ATP8A2: variants seen among roughly 807,000 people sequenced by gnomAD.
ATP8A2 encodes the protein phospholipid-transporting ATPase IB.
In ATP8A2, 100 loss-of-function variants were observed where a neutral mutation model predicts 165.6. That is an observed-to-expected ratio of 0.60 (90% CI 0.51 to 0.71). The LOEUF is 0.71. Ranked by LOEUF, ATP8A2 falls within the 30% of genes least tolerant of loss-of-function variation. The pLI is 0.00. For synonymous variants in ATP8A2, 543 were observed against 548.8 expected (o/e 0.99, Z 0.15); for missense variants, 1,227 against 1,479.5 (o/e 0.83, Z 2.80).
chr13:25,547,817 A>G (rs890371737), intron 10 of ATP8A2, among the ~76,000 whole-genome samples: 1 of 152,180 alleles, frequency 6.6e-6, no homozygotes, highest in African/African-American at 2.4e-5. Context: ...TCAGCTTTTC[A>G]AAATCTGACA....
chr13:25,641,637 A>G, intron 24 of ATP8A2, among the ~76,000 whole-genome samples: 1 of 152,150 alleles, frequency 6.6e-6, no homozygotes, highest in Non-Finnish European at 1.5e-5. Flanking sequence ...TTCCATGCTC[A>G]TGGATAGGAA....
intron 30 of ATP8A2, among the ~76,000 whole-genome samples, chr13:25,844,337 T>A (rs1387646550): frequency 2.0e-5 from 3 of 152,022 alleles, no homozygotes; most frequent in Non-Finnish European, 4.4e-5. Context: ...TTCAAGTGAT[T>A]CTCCTGCCTC....
At chr13:25,871,994 A>G (rs1426240984) in intron 33 of ATP8A2, among the ~76,000 whole-genome samples, 3 of 151,848 alleles carry the variant, frequency 2.0e-5, no homozygotes, top group Non-Finnish European at 4.4e-5. Flanking sequence ...GACATCTCTC[A>G]TGCAGGGTAC....
At chr13:25,439,822 G>A (rs989019792) in intron 1 of ATP8A2, among the ~76,000 whole-genome samples, 4 of 151,898 alleles carry the variant, frequency 2.6e-5, no homozygotes, top group African/African-American at 9.7e-5. Flanking sequence ...CAGGAGGATT[G>A]CTTGGGCCCA....
In ATP8A2 at chr13:25,939,453, A is replaced by G. The variant is rs1955007522; in HGVS notation, c.3184-22122A>G. Among the ~76,000 whole-genome samples, 2 of 152,046 alleles carry G rather than the reference A, an allele frequency of 1.3e-5. 1 individual carries two copies. The highest frequency in any genetic ancestry group is 4.1e-4 in the South Asian group (2 of 4,822). ...GAGGAGTCCGCAGCCTCCCTGAATC[A>G]TTGCTCAGGCCTCTCTTCTGGTTCA... is the stretch of plus-strand genomic sequence containing the variant. On this transcript the variant is annotated intron_variant, in intron 33 of 36. Transcript: ENST00000381655.
intron 25 of ATP8A2, among the ~76,000 whole-genome samples, chr13:25,706,306 A>G (rs1046776716): frequency 3.9e-5 from 6 of 152,168 alleles, no homozygotes; most frequent in Non-Finnish European, 8.8e-5. Context: ...CTGGCAGTGT[A>G]TCATTCCCAA....
chr13:25,690,828 G>A (rs893411329), intron 24 of ATP8A2, among the ~76,000 whole-genome samples: 3 of 151,830 alleles, frequency 2.0e-5, no homozygotes, highest in African/African-American at 7.3e-5. Flanking sequence ...GGTATGACTG[G>A]GTAACTCCAA....
rs562237519 is a variant in ATP8A2 at position 25,602,425 on chromosome 13, G to T, written c.2211+12726G>T. Among the ~76,000 whole-genome samples the T allele has an allele frequency of 3.7e-4, 56 of 152,282 alleles. No homozygotes were observed. In the South Asian group the frequency reaches 4.8e-3, roughly 13 times the overall value. ...GAACCATGGGGCTGTCTGGACAGGAGATGGCACCTCCCACTTTGCCTGGAG... is the reference window on the plus strand; with the variant it reads ...GAACCATGGGGCTGTCTGGACAGGATATGGCACCTCCCACTTTGCCTGGAG... On this transcript the variant is annotated intron_variant, in intron 24 of 36. Transcript: ENST00000381655.
At chr13:25,512,630 C>T (rs1283239247) in intron 2 of ATP8A2, among the ~76,000 whole-genome samples, 12 of 142,300 alleles carry the variant, frequency 8.4e-5, no homozygotes, top group Admixed American at 4.1e-4. Flanking sequence ...GCTGGCTGGG[C>T]GGGGGGCTGA....
At chr13:25,544,770 A>G (rs7335601) in intron 10 of ATP8A2, among the ~76,000 whole-genome samples, 101,510 of 151,874 alleles carry the variant, frequency 0.67, 35,128 homozygotes, top group African/African-American at 0.76. Context: ...TGCGATAATG[A>G]TGAAGCTGGG....
chr13:25,635,886 T>A (rs1290710054), intron 24 of ATP8A2, among the ~76,000 whole-genome samples: 1 of 152,222 alleles, frequency 6.6e-6, no homozygotes, highest in Non-Finnish European at 1.5e-5. Context: ...TTGTGATACA[T>A]AACAAAATTA....
chr13:25,844,707 C>T (rs1951820086), intron 30 of ATP8A2, among the ~76,000 whole-genome samples: 1 of 152,158 alleles, frequency 6.6e-6, no homozygotes, highest in African/African-American at 2.4e-5. Flanking sequence ...GAAGCCATCC[C>T]TCAGATGGCC....
intron 27 of ATP8A2, among the ~76,000 whole-genome samples, chr13:25,793,661 GT>G (rs11322396): frequency 0.99 from 150,166 of 152,018 alleles, 74,191 homozygotes; most frequent in East Asian, 1. Flanking sequence ...GAGACTTAGT[GT>G]TTTTTTTTAT....
At chr13:25,901,448 T>C (rs974466437) in intron 33 of ATP8A2, among the ~76,000 whole-genome samples, 1 of 151,338 alleles carries the variant, frequency 6.6e-6, no homozygotes, top group Admixed American at 6.6e-5. Context: ...TTGGGAAGTT[T>C]TGTGCACCCA....
intron 36 of ATP8A2, among the ~76,000 whole-genome samples, chr13:26,018,420 C>T (rs192447128): frequency 6.6e-6 from 1 of 152,330 alleles, no homozygotes; most frequent in African/African-American, 2.4e-5. Context: ...AACAGGCAGT[C>T]CAGGAACTGA....
intron 35 of ATP8A2, among the ~76,000 whole-genome samples, chr13:25,980,921 T>G (rs1044810263): frequency 6.6e-6 from 1 of 152,208 alleles, no homozygotes; most frequent in African/African-American, 2.4e-5. Context: ...CTCAATACTG[T>G]ATATAAAAAT....
chr13:25,435,933 G>GTA (rs2034752407), intron 1 of ATP8A2, among the ~76,000 whole-genome samples: 1 of 16,922 alleles, frequency 5.9e-5, no homozygotes, highest in Admixed American at 1.1e-3. Context: ...GTGTGTGTGA[G>GTA]TGTGTGTGTG....
intron 33 of ATP8A2, among the ~76,000 whole-genome samples, chr13:25,958,473 T>G (rs888063722): frequency 6.6e-6 from 1 of 152,182 alleles, no homozygotes; most frequent in Non-Finnish European, 1.5e-5. Context: ...CCCAGGGCAG[T>G]GCTGCACAGC....
intron 33 of ATP8A2, among the ~76,000 whole-genome samples, chr13:25,892,792 CT>C (rs1953416022): frequency 6.8e-6 from 1 of 146,572 alleles, no homozygotes; most frequent in Non-Finnish European, 1.5e-5. Flanking sequence ...GAAGCACAGA[CT>C]TTTTTTTAGT....
Sources: gnomAD v4.1 joint callset for allele counts (sites outside exome capture counted in the v4.1 genomes callset) on GRCh38, gnomAD v4.1.1 for gene constraint, MANE v1.5 for transcripts, NCBI Gene and HGNC (gene_info 2026-07-23, HGNC 2026-07-21) for gene names.